PTPRD: variants seen among roughly 807,000 people sequenced by gnomAD.
The protein encoded by PTPRD is protein tyrosine phosphatase receptor type D, also known as receptor-type tyrosine-protein phosphatase delta.
In PTPRD, 34 loss-of-function variants were observed where a neutral mutation model predicts 214.5. That is an observed-to-expected ratio of 0.16 (90% CI 0.12 to 0.21). The LOEUF (loss-of-function observed/expected upper bound fraction) is 0.21, where lower values mean the gene tolerates loss of function less well. PTPRD is among the 10% of genes least tolerant of loss of function. The pLI, the probability that PTPRD is intolerant of heterozygous loss-of-function variation, is 1.00. For synonymous variants in PTPRD, 1,128 were observed against 845.7 expected, an observed-to-expected ratio of 1.33 and a Z score of -5.79; for missense variants, 2,545 against 2,398.7, an observed-to-expected ratio of 1.06 and a Z score of -1.27.
chr9:10,261,870 G>A (rs973575603), intron 3 of PTPRD, among the ~76,000 whole-genome samples: 1 of 152,052 alleles, frequency 6.6e-6, no homozygotes, highest in Admixed American at 6.6e-5. Flanking sequence ...AGGTATACTA[G>A]TCTGCTGGGA....
chr9:9,616,764 G>A (rs1593139753), intron 7 of PTPRD, among the ~76,000 whole-genome samples: 1 of 152,100 alleles, frequency 6.6e-6, no homozygotes, highest in South Asian at 2.1e-4. Context: ...AACCATAAAA[G>A]TAGCCAACCA....
intron 7 of PTPRD, among the ~76,000 whole-genome samples, chr9:9,726,425 C>T (rs1048841372): frequency 6.6e-6 from 1 of 151,066 alleles, no homozygotes; most frequent in Non-Finnish European, 1.5e-5. Context: ...TTTGTCTATA[C>T]TCCATATTAG....
chr9:9,369,885 T>G (rs1316340818), intron 9 of PTPRD, among the ~76,000 whole-genome samples: 2 of 152,172 alleles, frequency 1.3e-5, no homozygotes, highest in Non-Finnish European at 2.9e-5. Flanking sequence ...CCCCATTGCT[T>G]GTTTTTGTCA....
intron 11 of PTPRD, among the ~76,000 whole-genome samples, chr9:8,775,350 G>C (rs1020030282): frequency 2.0e-5 from 3 of 152,090 alleles, no homozygotes; most frequent in African/African-American, 7.2e-5. Context: ...GAGGCAGTAA[G>C]ACTGGGGACA....
intron 2 of PTPRD, among the ~76,000 whole-genome samples, chr9:10,533,575 AC>A (rs1222666639): frequency 6.6e-6 from 1 of 151,868 alleles, no homozygotes; most frequent in Non-Finnish European, 1.5e-5. Flanking sequence ...AAACACATAA[AC>A]CTCATGTCAC....
intron 11 of PTPRD, among the ~76,000 whole-genome samples, chr9:8,778,842 G>C (rs2095585582): frequency 6.6e-6 from 1 of 152,234 alleles, no homozygotes; most frequent in Non-Finnish European, 1.5e-5. Flanking sequence ...CCATAGGGTT[G>C]CTCAATGGAT....
chr9:8,549,089 A>C (rs1490356596), intron 14 of PTPRD, among the ~76,000 whole-genome samples: 1 of 152,208 alleles, frequency 6.6e-6, no homozygotes, highest in South Asian at 2.1e-4. Flanking sequence ...GACAAAGAGA[A>C]AGCCCAGTTA....
At chr9:10,475,880 AC>A (rs56269105) in intron 2 of PTPRD, among the ~76,000 whole-genome samples, 12,535 of 151,854 alleles carry the variant, frequency 0.083, 754 homozygotes, top group East Asian at 0.29. Context: ...ACAAAAAAAA[AC>A]ATATGATTAT....
intron 9 of PTPRD, among the ~76,000 whole-genome samples, chr9:9,263,493 C>T (rs2132273019): frequency 6.6e-6 from 1 of 151,714 alleles, no homozygotes; most frequent in East Asian, 2.0e-4. Flanking sequence ...TCCTGAATTA[C>T]ATTTAGAAAG....
intron 2 of PTPRD, among the ~76,000 whole-genome samples, chr9:10,493,129 C>T (rs995450648): frequency 6.6e-6 from 1 of 152,044 alleles, no homozygotes; most frequent in African/African-American, 2.4e-5. Context: ...TCATCTCATG[C>T]TTATGGATAG....
intron 34 of PTPRD, among the ~76,000 whole-genome samples, chr9:8,443,265 TC>T (rs2095608872): frequency 6.6e-6 from 1 of 152,194 alleles, no homozygotes; most frequent in South Asian, 2.1e-4. Context: ...AAAGGACACA[TC>T]CGGTATTCTT....
At chr9:9,858,180 T>C (rs181497603) in intron 5 of PTPRD, among the ~76,000 whole-genome samples, 1 of 152,330 alleles carries the variant, frequency 6.6e-6, no homozygotes, top group East Asian at 1.9e-4. Flanking sequence ...TAAATCTTTT[T>C]CATCATTAAA....
At chr9:8,951,345 C>T (rs73640973) in intron 11 of PTPRD, among the ~76,000 whole-genome samples, 5,444 of 145,572 alleles carry the variant, frequency 0.037, 349 homozygotes, top group African/African-American at 0.13. Flanking sequence ...TTTTCAGTCC[C>T]GTAAACATAG....
At chr9:8,706,619 A>G (rs1225768857) in intron 12 of PTPRD, among the ~76,000 whole-genome samples, 10 of 152,230 alleles carry the variant, frequency 6.6e-5, no homozygotes, top group African/African-American at 1.9e-4. Context: ...AAAAGCGCTC[A>G]TCTCAGGAGC....
At chr9:9,314,833 T>G (rs1203377771) in intron 9 of PTPRD, among the ~76,000 whole-genome samples, 1 of 152,084 alleles carries the variant, frequency 6.6e-6, no homozygotes. Context: ...TTATATATGT[T>G]TGAAATAAGC....
At chr9:8,715,700 A>AAAAATAT (rs2098424909) in intron 12 of PTPRD, among the ~76,000 whole-genome samples, 1 of 152,208 alleles carries the variant, frequency 6.6e-6, no homozygotes, top group Non-Finnish European at 1.5e-5. Context: ...CTTAACAGAG[A>AAAAATAT]AAAATATAAA....
At chr9:9,651,799 CACT>C (rs1273214216) in intron 7 of PTPRD, among the ~76,000 whole-genome samples, 1 of 143,884 alleles carries the variant, frequency 7.0e-6, no homozygotes, top group African/African-American at 2.6e-5. Flanking sequence ...GGGAATACCA[CACT>C]GCCTTTGTAT....
At chr9:10,299,348 A>G (rs2095791869) in intron 3 of PTPRD, among the ~76,000 whole-genome samples, 1 of 152,160 alleles carries the variant, frequency 6.6e-6, no homozygotes, top group Non-Finnish European at 1.5e-5. Context: ...TCAATGCCAG[A>G]ATGAATATGA....
intron 2 of PTPRD, among the ~76,000 whole-genome samples, chr9:10,364,320 G>A (rs2097468969): frequency 6.6e-6 from 1 of 151,918 alleles, no homozygotes; most frequent in South Asian, 2.1e-4. Flanking sequence ...CACGTTTTAG[G>A]TGACAAAGCC....
Sources: gnomAD v4.1 joint callset for allele counts (sites outside exome capture counted in the v4.1 genomes callset) on GRCh38, gnomAD v4.1.1 for gene constraint, MANE v1.5 for transcripts, NCBI Gene and HGNC (gene_info 2026-07-23, HGNC 2026-07-21) for gene names.